CCDC175: variants seen among roughly 807,000 people sequenced by gnomAD.
The protein encoded by CCDC175 is coiled-coil domain containing 175, also known as coiled-coil domain-containing protein 175.
In CCDC175, 100 loss-of-function variants were observed where a neutral mutation model predicts 114.6. The ratio of observed to expected loss-of-function variants is 0.87; its 90% CI spans 0.74 to 1.03. The LOEUF (loss-of-function observed/expected upper bound fraction) is 1.03. Among genes scored for constraint, CCDC175 ranks in the 50% least tolerant of loss-of-function variants. The probability of loss-of-function intolerance (pLI) is 0.00; values close to 1 mark genes in which losing one functional copy is unlikely to be tolerated. For missense variants in CCDC175, 880 were observed against 917.8 expected (o/e 0.96, Z 0.53); for synonymous variants, 306 against 308.7 (o/e 0.99, Z 0.09).
intron 18 of CCDC175, 71 bp from the exon 19 acceptor site, chr14:59,510,879 G>A: frequency 1.5e-6 from 2 of 1,340,320 alleles, no homozygotes; most frequent in Non-Finnish European, 2.0e-6. Flanking sequence ...ATTCTAAGTG[G>A]ATCATGTCCA....
At chr14:59,523,737 C>T (rs993894850) in intron 16 of CCDC175, among the ~76,000 whole-genome samples, 1 of 152,144 alleles carries the variant, frequency 6.6e-6, no homozygotes, top group Non-Finnish European at 1.5e-5. Flanking sequence ...AGCCTGTAAT[C>T]CTAGCACTAT....
intron 7 of CCDC175, among the ~76,000 whole-genome samples, chr14:59,557,037 C>T (rs1248487110): frequency 1.3e-5 from 2 of 152,142 alleles, no homozygotes; most frequent in Non-Finnish European, 2.9e-5. Context: ...ACTAGTTCAA[C>T]GATTGTGGAA....
At chr14:59,548,116 C>G (rs1895227752) in intron 8 of CCDC175, among the ~76,000 whole-genome samples, 1 of 152,026 alleles carries the variant, frequency 6.6e-6, no homozygotes, top group South Asian at 2.1e-4. Flanking sequence ...TATATTCAGC[C>G]TTAAAAAAGA....
At chr14:59,526,907 T>C (rs1363039350) in intron 15 of CCDC175, among the ~76,000 whole-genome samples, 188 bp downstream of exon 15, 1 of 152,240 alleles carries the variant, frequency 6.6e-6, no homozygotes, top group African/African-American at 2.4e-5. Flanking sequence ...AGCATATGTG[T>C]ACAGGTGTAT....
At chr14:59,559,994 CAT>C (rs1442397631) in intron 7 of CCDC175, among the ~76,000 whole-genome samples, 1 of 151,998 alleles carries the variant, frequency 6.6e-6, no homozygotes, top group African/African-American at 2.4e-5. Flanking sequence ...TGAGGTAATC[CAT>C]ATCTTTCACT....
At chr14:59,540,773 G>T in intron 10 of CCDC175, 27 bp from the exon 11 acceptor site, 1 of 1,463,734 alleles carries the variant, frequency 6.8e-7, no homozygotes, top group Non-Finnish European at 9.1e-7. Flanking sequence ...ATTGGATTTT[G>T]CATTTATGGG....
chr14:59,560,385 C>T (rs1029007839), intron 7 of CCDC175, among the ~76,000 whole-genome samples: 8 of 152,148 alleles, frequency 5.3e-5, no homozygotes, highest in Non-Finnish European at 8.8e-5. Flanking sequence ...TGTTATAAGA[C>T]TCCATCTTCT....
chr14:59,505,417 A>G (rs1892288171), intron 19 of CCDC175, 102 bp from the exon 20 acceptor site: 2 of 529,044 alleles, frequency 3.8e-6, no homozygotes, highest in South Asian at 3.8e-5. Flanking sequence ...AGAATCCTCA[A>G]TTGAGTAATT....
chr14:59,574,906 A>G (rs1897023209), intron 2 of CCDC175, 37 bp downstream of exon 2: 1 of 1,091,714 alleles, frequency 9.2e-7, no homozygotes, highest in East Asian at 2.6e-5. Context: ...AAATATGTGG[A>G]AGATTGAAGA....
intron 13 of CCDC175, among the ~76,000 whole-genome samples, chr14:59,534,279 T>G (rs939027195): frequency 2.6e-5 from 4 of 152,182 alleles, no homozygotes; most frequent in Non-Finnish European, 5.9e-5. Flanking sequence ...TTCTAGATCC[T>G]TTCTCATTGT....
intron 12 of CCDC175, 107 bp downstream of exon 12, chr14:59,538,598 C>T (rs927618643): frequency 3.7e-5 from 36 of 962,888 alleles, no homozygotes; most frequent in Non-Finnish European, 4.8e-5. Flanking sequence ...ATGAAATCAG[C>T]AGAAAGGAAA....
chr14:59,523,707 C>G (rs1349924203), intron 16 of CCDC175, among the ~76,000 whole-genome samples: 1 of 152,156 alleles, frequency 6.6e-6, no homozygotes, highest in Non-Finnish European at 1.5e-5. Context: ...AAGTCACATT[C>G]AGCCGGGCGC....
At chr14:59,523,981 TC>T (rs1893586122) in intron 16 of CCDC175, among the ~76,000 whole-genome samples, 1 of 146,528 alleles carries the variant, frequency 6.8e-6, no homozygotes, top group African/African-American at 2.6e-5. Flanking sequence ...AGAGCAAGAC[TC>T]CGTCTCAAAA....
At chr14:59,556,911 A>G (rs994392808) in intron 7 of CCDC175, among the ~76,000 whole-genome samples, 5 of 152,280 alleles carry the variant, frequency 3.3e-5, no homozygotes, top group South Asian at 4.1e-4. Context: ...CAAAACCACA[A>G]TGAGATACCA....
At chr14:59,560,773 A>G (rs901738720) in intron 7 of CCDC175, among the ~76,000 whole-genome samples, 4 of 152,160 alleles carry the variant, frequency 2.6e-5, no homozygotes, top group Non-Finnish European at 5.9e-5. Flanking sequence ...CAGCATGGGT[A>G]GATGGGTTGT....
rs766445022 is a variant in CCDC175 at position 59,563,739 on chromosome 14, C to T, written c.841G>A (p.Ala281Thr). Reference sequence around the variant, plus strand: ...ATATATAGTTTATTCTTTCTTACCGCTGCGGAAACAGTAACTGTTTCTTTT... The same window carrying T: ...ATATATAGTTTATTCTTTCTTACCGTTGCGGAAACAGTAACTGTTTCTTTT... ...KIKETVTVSAAVLSDHNLEIA... is the reference protein window; with the variant it reads ...KIKETVTVSATVLSDHNLEIA... Residue 281 changes from alanine (A) to threonine (T), a missense_variant and splice_region_variant, in exon 6 of 20, where the codon GCG becomes ACG. Physicochemically the swap from Ala to Thr is moderately conservative, Grantham distance 58 (BLOSUM62 0). Coordinates refer to ENST00000537690, the MANE Select transcript of CCDC175 (RefSeq NM_001164399.2). 2.8e-6 allele frequency: 4 copies of T among 1,403,666 alleles called. No individual in the cohort carries two copies. Among genetic ancestry groups the T allele is most frequent in the South Asian group, 1.6e-5 (1 of 62,590 alleles). 87.0% of individuals were successfully genotyped at this position (1,403,666 alleles called of 1,614,324 possible).
chr14:59,512,924 C>CA lies in CCDC175; in HGVS notation c.2099-1122dup, dbSNP rs575616289. Among the ~76,000 whole-genome samples the CA allele has an allele frequency of 7.9e-5, 12 of 151,824 alleles. No individual in the cohort carries two copies. In the South Asian group the frequency reaches 2.5e-3, roughly 32 times the overall value. ...AAAATAATTTTAAAAGACAAGCATA[C>CA]AGGTGAAGAATTCTATTACCTGATG... is the stretch of plus-strand genomic sequence containing the variant. On this transcript the variant is annotated intron_variant, in intron 17 of 19. Transcript: ENST00000537690.
At chr14:59,509,762 A>C (rs1489457601) in intron 19 of CCDC175, among the ~76,000 whole-genome samples, 1 of 152,140 alleles carries the variant, frequency 6.6e-6, no homozygotes, top group Non-Finnish European at 1.5e-5. Flanking sequence ...CTCCTGCCTC[A>C]GCCTCCCAAA....
rs187058970 is a variant in CCDC175 at position 59,552,249 on chromosome 14, G to A, written c.954-813C>T. On this transcript the variant is annotated intron_variant, in intron 7 of 19. Transcript: ENST00000537690. ...GGGCAGACTGACACGTCAACTGGCC[G>A]GGTACACCTCTGAGACGAAGCTTGC... is the stretch of plus-strand genomic sequence containing the variant. 1.7e-3 allele frequency among the ~76,000 whole-genome samples: 258 copies of A among 152,318 alleles called. 6 individuals are homozygous for A. In the South Asian group the frequency reaches 0.038, roughly 23 times the overall value.
Sources: gnomAD v4.1 joint callset for allele counts (sites outside exome capture counted in the v4.1 genomes callset) on GRCh38, gnomAD v4.1.1 for gene constraint, MANE v1.5 for transcripts, NCBI Gene and HGNC (gene_info 2026-07-23, HGNC 2026-07-21) for gene names.